Variants in STK36 observed in about 807,000 individuals in gnomAD.
STK36 encodes serine/threonine-protein kinase 36.
Under a neutral mutation model 142.2 loss-of-function variants are expected in STK36, and 116 were observed. The ratio of observed to expected loss-of-function variants is 0.82; its 90% CI spans 0.70 to 0.95. The LOEUF is 0.95. STK36 is among the 40% of genes least tolerant of loss of function. STK36 has a pLI of 0.00. For synonymous variants in STK36, 619 were observed against 641.7 expected (o/e 0.96, Z 0.53); for missense variants, 1,422 against 1,617.2 (o/e 0.88, Z 2.07).
chr2:218,697,105 T>C lies in STK36; in HGVS notation c.2653T>C (p.Phe885Leu). The change falls in exon 23 of 27, where the codon TTC becomes CTC. Residue 885 changes from phenylalanine to leucine, a missense_variant. This residue lies in a region of STK36 where 962 missense variants were observed against 1,167.5 expected (regional missense o/e 0.82). Coordinates refer to ENST00000295709, the MANE Select transcript of STK36 (RefSeq NM_015690.5). ...AATGTGGACCGTTTTGTGGCACCGC[T>C]TCTCCATGGTCCTGAGGCTCCCCGA... ...SEMWTVLWHRFSMVLRLPEEA... is the reference protein window; with the variant it reads ...SEMWTVLWHRLSMVLRLPEEA... 1.2e-6 allele frequency: 2 copies of C among 1,614,176 alleles called. No homozygotes were observed. The highest frequency in any genetic ancestry group is 8.5e-7 in the Non-Finnish European group (1 of 1,180,030).
At chr2:218,675,517 A>G (rs1170991358) in intron 5 of STK36, 44 bp downstream of exon 5, 1 of 1,501,038 alleles carries the variant, frequency 6.7e-7, no homozygotes, top group Non-Finnish European at 8.9e-7. Flanking sequence ...TTCCACACGG[A>G]ATCTTTTTTT....
rs143585496 is a variant in STK36, at chr2:218,676,151, T to G, written c.557T>G (p.Val186Gly). The G allele has an allele frequency of 6.2e-7, 1 of 1,614,054 alleles. No individual in the cohort carries two copies. Among genetic ancestry groups the G allele is most frequent in the African/African-American group, 1.3e-5 (1 of 74,914 alleles). The part of the protein sequence containing the change: ...PYDHTADLWS[V>G]GCILYELAVG... Reference sequence around the variant, plus strand: ...GACCACACAGCGGACCTCTGGTCTGTTGGCTGCATACTATATGAACTGGCA... The same window carrying G: ...GACCACACAGCGGACCTCTGGTCTGGTGGCTGCATACTATATGAACTGGCA... The change falls in exon 6 of 27, where the codon GTT (valine) becomes GGT (glycine). Residue 186 changes from valine to glycine, a missense_variant. Physicochemically the swap from Val to Gly is moderately radical, Grantham distance 109. Coordinates refer to ENST00000295709, the MANE Select transcript of STK36 (RefSeq NM_015690.5).
intron 6 of STK36, among the ~76,000 whole-genome samples, chr2:218,677,490 T>C (rs1162366160): frequency 1.3e-5 from 2 of 152,238 alleles, no homozygotes; most frequent in Non-Finnish European, 2.9e-5. Context: ...TTGCCAAACC[T>C]GAGAATGGTA....
rs149595068 is a variant in STK36, at chr2:218,679,728, A to G, written c.947A>G (p.Lys316Arg). 1,693 of 1,614,194 alleles carry G rather than the reference A, an allele frequency of 1.0e-3. No individual in the cohort carries two copies. The highest frequency in any genetic ancestry group is 1.3e-3 in the Non-Finnish European group (1,507 of 1,180,036). Residue 316 changes from lysine (K) to arginine (R), a missense_variant and splice_region_variant, in exon 8 of 27, where the codon AAG becomes AGG. Physicochemically the swap from Lys to Arg is conservative, Grantham distance 26. This residue lies in a region of STK36 where 460 missense variants were observed against 449.6 expected (regional missense o/e 1.02). Coordinates refer to ENST00000295709, the MANE Select transcript of STK36 (RefSeq NM_015690.5). ...CGCATGGCTGAGGAGGCCATGCAGAAGGTGTGTGGGGCAGAGGAAAATATG... is the reference window on the plus strand; with the variant it reads ...CGCATGGCTGAGGAGGCCATGCAGAGGGTGTGTGGGGCAGAGGAAAATATG... The part of the protein sequence containing the change: ...YKRMAEEAMQ[K>R]KHQNTGPALE...
chr2:218,696,406 T>G (rs1941234676), intron 21 of STK36, 121 bp from the exon 22 acceptor site: 5 of 822,448 alleles, frequency 6.1e-6, no homozygotes, highest in Non-Finnish European at 8.3e-6. Context: ...GCCCCATATA[T>G]TCTACCTTCC....
intron 11 of STK36, among the ~76,000 whole-genome samples, chr2:218,687,079 A>C (rs145068634): frequency 1.3e-5 from 2 of 152,166 alleles, no homozygotes; most frequent in African/African-American, 4.8e-5. Flanking sequence ...AAATATCTCA[A>C]ATCTTCTGCT....
chr2:218,698,954 T>C lies in STK36; in HGVS notation c.3410T>C (p.Leu1137Pro). Reference sequence around the variant, plus strand: ...ACTTATAGGCTCCTGGGACACTTGCTCCAACACAGCATGGCCCTGCGTGGG... The same window carrying C: ...ACTTATAGGCTCCTGGGACACTTGCCCCAACACAGCATGGCCCTGCGTGGG... Reference protein sequence around the residue: ...AHTYRLLGHLLQHSMALRGAL... With the variant: ...AHTYRLLGHLPQHSMALRGAL... Residue 1137 changes from leucine to proline, a missense_variant, in exon 26 of 27, where the codon CTC becomes CCC. Physicochemically the swap from Leu to Pro is moderately conservative, Grantham distance 98 (BLOSUM62 -3). Transcript: ENST00000295709. 1 of 1,614,162 alleles carries C rather than the reference T, an allele frequency of 6.2e-7. No homozygotes were observed. Among genetic ancestry groups the C allele is most frequent in the Non-Finnish European group, 8.5e-7 (1 of 1,180,032 alleles).
chr2:218,675,308 C>CT (rs769782238), intron 4 of STK36, 35 bp from the exon 5 acceptor site: 23 of 1,585,570 alleles, frequency 1.5e-5, no homozygotes, highest in South Asian at 3.5e-5. Flanking sequence ...TGTTTCTAAC[C>CT]TTTTTTTTCT....
rs748653542 is a variant in STK36 at position 218,673,919 on chromosome 2, A to G, written c.266A>G (p.Gln89Arg). The change falls in exon 4 of 27, where the codon CAG (glutamine) becomes CGG (arginine). Residue 89 changes from glutamine to arginine, a missense_variant. Around this residue, in one of 2 missense-constraint regions of STK36, gnomAD observed 460 missense variants for 449.6 expected, o/e 1.02. Coordinates refer to ENST00000295709, the MANE Select transcript of STK36 (RefSeq NM_015690.5). ...GACTATGCTGAGGGAGAGCTCTTTC[A>G]GATCCTAGAAGATGACGGAAAACTT... ...VTDYAEGELF[Q>R]ILEDDGKLPE... The G allele has an allele frequency of 1.2e-6, 2 of 1,614,152 alleles. No homozygotes were observed. Among genetic ancestry groups the G allele is most frequent in the Non-Finnish European group, 1.7e-6 (2 of 1,180,032 alleles).
At chr2:218,676,350 A>G in intron 6 of STK36, 72 bp downstream of exon 6, 2 of 1,566,974 alleles carry the variant, frequency 1.3e-6, no homozygotes, top group Non-Finnish European at 1.7e-6. Context: ...TCCTTTTTCC[A>G]AATCCTTTTC....
chr2:218,674,212 T>G (rs1463527484), intron 4 of STK36, among the ~76,000 whole-genome samples: 2 of 151,696 alleles, frequency 1.3e-5, no homozygotes, highest in Admixed American at 6.5e-5. Context: ...TTCTTTGTGC[T>G]TAGTTTCCTA....
Position 218,699,315 on chromosome 2 carries a change from C to G in STK36, c.3771C>G (p.Leu1257=). The G allele has an allele frequency of 6.2e-7, 1 of 1,613,982 alleles. No homozygotes were observed. The highest frequency in any genetic ancestry group is 8.5e-7 in the Non-Finnish European group (1 of 1,179,996). The change falls in exon 26 of 27, where the codon CTC becomes CTG. Residue 1257 remains leucine (L), a synonymous_variant. Transcript: ENST00000295709. ...PNVKEAALIA[L]RSLQQEPGIH... is the part of the protein sequence containing the mutation. The stretch of plus-strand genomic sequence containing the variant: ...TGAAGGAGGCTGCCCTCATTGCCCT[C>G]CGGAGCCTGCAACAGGAGCCTGGCA...
At position 218,679,954 on chromosome 2, in the gene STK36, GCACAGC is replaced by G. The variant is rs775747104; in HGVS notation, c.1012_1017del (p.Thr338_Ala339del). On this transcript the variant is annotated inframe_deletion, in exon 9 of 27. Transcript: ENST00000295709. The stretch of plus-strand genomic sequence containing the variant: ...GACAAGACCAGCAAGGTGGCTCCTG[GCACAGC>G]CCCTCTGCCCAGACTCGGGGCCACT... 3.7e-6 allele frequency: 6 copies of G among 1,614,084 alleles called. No homozygotes were observed. The highest frequency in any genetic ancestry group is 5.1e-6 in the Non-Finnish European group (6 of 1,180,036).
At chr2:218,677,778 G>A (rs993401895) in intron 6 of STK36, among the ~76,000 whole-genome samples, 81 of 152,232 alleles carry the variant, frequency 5.3e-4, no homozygotes, top group African/African-American at 1.9e-3. Context: ...TAGAAGAGGA[G>A]TTGGACTTCT....
chr2:218,673,585 A>AGT, intron 2 of STK36, 40 bp from the exon 3 acceptor site: 1 of 1,581,130 alleles, frequency 6.3e-7, no homozygotes, highest in Non-Finnish European at 8.6e-7. Context: ...TCTTTTCAGT[A>AGT]GTGTGATTAG....
Position 218,694,286 on chromosome 2 carries a change from G to A in STK36, c.2359G>A (p.Val787Ile), listed in dbSNP as rs772622308. 8.1e-6 allele frequency: 13 copies of A among 1,614,038 alleles called. No individual in the cohort carries two copies. Among genetic ancestry groups the A allele is most frequent in the South Asian group, 3.3e-5 (3 of 91,074 alleles). ...PCGMEKLGSDVATLFTHSHVV... is the reference protein window; with the variant it reads ...PCGMEKLGSDIATLFTHSHVV... ...CAGAATGGAGAAGCTAGGCAGTGAC[G>A]TTGCTACTCTCTTTACCCATTCGCA... The change falls in exon 20 of 27, where the codon GTT becomes ATT. Residue 787 changes from valine (V) to isoleucine (I), a missense_variant. Val to Ile is a conservative substitution (Grantham distance 29). Transcript: ENST00000295709. This position sits in a 1 kb window ranked among gnomAD's most constrained non-coding sequence, Gnocchi z 4.4.
At chr2:218,675,275 T>A (rs1940181600) in intron 4 of STK36, 68 bp from the exon 5 acceptor site, 4 of 1,548,102 alleles carry the variant, frequency 2.6e-6, no homozygotes, top group African/African-American at 1.4e-5. Context: ...TAAGAGAAAT[T>A]TTTGGGCTTG....
In STK36 at chr2:218,693,241, T is replaced by C. The variant is rs766903561; in HGVS notation, c.2045T>C (p.Val682Ala). The change falls in exon 17 of 27, where the codon GTC becomes GCC. Residue 682 changes from valine (V) to alanine (A), a missense_variant and splice_region_variant. Val to Ala is a moderately conservative substitution (Grantham distance 64). Coordinates refer to ENST00000295709, the MANE Select transcript of STK36 (RefSeq NM_015690.5). ...GAGCCTTCAGGTATGTCTCTATAGGTCTGTTGGCATTTGGCAAATCAGCTA... is the reference window on the plus strand; with the variant it reads ...GAGCCTTCAGGTATGTCTCTATAGGCCTGTTGGCATTTGGCAAATCAGCTA... ...LPDCWDAKEQ[V>A]CWHLANQLTE... is the part of the protein sequence containing the mutation. 6.2e-6 allele frequency: 10 copies of C among 1,613,926 alleles called. No individual in the cohort carries two copies. In the African/African-American group the frequency reaches 1.3e-4, roughly 22 times the overall value.
At chr2:218,697,717 G>T in intron 24 of STK36, 107 bp downstream of exon 24, 1 of 1,588,938 alleles carries the variant, frequency 6.3e-7, no homozygotes, top group South Asian at 1.1e-5. Flanking sequence ...AGAAAGATGA[G>T]ATCAGGTTTA....
Sources: gnomAD v4.1 joint callset for allele counts (sites outside exome capture counted in the v4.1 genomes callset) on GRCh38, gnomAD v4.1.1 for gene constraint, gnomAD v4.1.1 regional missense constraint, Gnocchi (gnomAD v3.1) non-coding constraint, MANE v1.5 for transcripts, NCBI Gene and HGNC (gene_info 2026-07-23, HGNC 2026-07-21) for gene names.